The following TNRC6A variants were observed in gnomAD, a reference collection of about 807,000 sequenced individuals.
TNRC6A encodes the protein trinucleotide repeat-containing gene 6A protein.
In TNRC6A, 44 loss-of-function variants were observed where a neutral mutation model predicts 221.2. The observed-to-expected ratio is 0.20, with a 90% confidence interval of 0.16 to 0.26. The LOEUF (loss-of-function observed/expected upper bound fraction) is 0.26. Ranked by LOEUF, TNRC6A falls within the 10% of genes least tolerant of loss-of-function variation. The pLI, the probability that TNRC6A is intolerant of heterozygous loss-of-function variation, is 1.00. For synonymous variants in TNRC6A, 847 were observed against 838.5 expected (o/e 1.01, Z -0.18); for missense variants, 2,199 against 2,404.4 (o/e 0.91, Z 1.79).
At chr16:24,656,840 A>C (rs906224794) in intron 2 of TNRC6A, among the ~76,000 whole-genome samples, 1 of 152,202 alleles carries the variant, frequency 6.6e-6, no homozygotes, top group African/African-American at 2.4e-5. Context: ...TGTTTCTATT[A>C]AGAAAGAATT....
At chr16:24,668,966 G>A (rs749628904) in intron 2 of TNRC6A, among the ~76,000 whole-genome samples, 4 of 151,704 alleles carry the variant, frequency 2.6e-5, no homozygotes, top group Non-Finnish European at 5.9e-5. Context: ...AATTAGTCTC[G>A]TTGTTTTTAT....
upstream of TNRC6A, among the ~76,000 whole-genome samples, chr16:24,726,090 G>A (rs1356273749): frequency 6.6e-6 from 1 of 152,066 alleles, no homozygotes; most frequent in African/African-American, 2.4e-5. Flanking sequence ...TCCTAGCACA[G>A]TGCCTGGCAC....
chr16:24,634,806 T>C (rs1723029227), intron 1 of TNRC6A, among the ~76,000 whole-genome samples: 1 of 152,232 alleles, frequency 6.6e-6, no homozygotes, highest in Non-Finnish European at 1.5e-5. Flanking sequence ...CCCTTTCTCA[T>C]GGTTCAGTGG....
In TNRC6A at chr16:24,758,260, T is replaced by C; in HGVS notation, c.142-79T>C. ...AAGGTGTATATGTCTTATATTAATA[T>C]ATGAACATTTTATCATAACAGTCCA... On this transcript the variant is annotated intron_variant, in intron 3 of 24. Coordinates refer to ENST00000395799, the MANE Select transcript of TNRC6A (RefSeq NM_014494.4). 7 of 1,397,818 alleles carry C rather than the reference T, an allele frequency of 5.0e-6. No homozygotes were observed. In the South Asian group the frequency reaches 8.3e-5, roughly 17 times the overall value. 86.6% of individuals were successfully genotyped at this position (1,397,818 alleles called of 1,614,324 possible).
chr16:24,637,853 T>C (rs1335832724), intron 1 of TNRC6A, among the ~76,000 whole-genome samples: 1 of 152,150 alleles, frequency 6.6e-6, no homozygotes, highest in East Asian at 1.9e-4. Flanking sequence ...TGGCCTGATC[T>C]TGGCTCACTG....
intron 3 of TNRC6A, 127 bp downstream of exon 3, chr16:24,750,940 A>G (rs1371137364): frequency 4.3e-5 from 40 of 922,056 alleles, no homozygotes; most frequent in Admixed American, 9.4e-5. Flanking sequence ...TCATTTTAAT[A>G]TTTAATGTCT....
At chr16:24,714,340 ACT>A (rs2056270352) in intron 2 of TNRC6A, among the ~76,000 whole-genome samples, 1 of 112,210 alleles carries the variant, frequency 8.9e-6, no homozygotes, top group South Asian at 2.6e-4. Flanking sequence ...ATGGAGTCTC[ACT>A]CTGTCGCCCA....
At chr16:24,640,138 G>A (rs1179543367) in intron 1 of TNRC6A, among the ~76,000 whole-genome samples, 2 of 152,116 alleles carry the variant, frequency 1.3e-5, no homozygotes, top group Non-Finnish European at 1.5e-5. Context: ...AGTGGCTCAC[G>A]CCTATAATCC....
chr16:24,805,119 G>A lies in TNRC6A; in HGVS notation c.4090G>A (p.Ala1364Thr). ...PLSSSQPNLR[A>T]QVPPPLLSPQ... is the part of the protein sequence containing the mutation. ...TAGTTCATCTCAGCCTAATCTCCGT[G>A]CTCAAGTGCCTCCTCCATTACTCTC... The change falls in exon 14 of 25, where the codon GCT becomes ACT. Residue 1364 changes from alanine to threonine, a missense_variant. This residue lies in a region of TNRC6A where 449 missense variants were observed against 579.7 expected (regional missense o/e 0.77). Transcript: ENST00000395799. 1.2e-6 allele frequency: 2 copies of A among 1,614,124 alleles called. No homozygotes were observed. The highest frequency in any genetic ancestry group is 8.5e-7 in the Non-Finnish European group (1 of 1,180,036).
In TNRC6A at chr16:24,776,990, G is replaced by A. The variant is rs1303050370; in HGVS notation, c.221G>A (p.Gly74Asp). 1.9e-6 allele frequency: 3 copies of A among 1,614,048 alleles called. No individual in the cohort carries two copies. Among genetic ancestry groups the A allele is most frequent in the South Asian group, 2.2e-5 (2 of 91,078 alleles). ...CCTCAGCCTGCCAACTCTAATAACG[G>A]CACTTCCACAGCAACCAGCACTAAT... ...SQPQPANSNN[G>D]TSTATSTNNN... Residue 74 changes from glycine to aspartate, a missense_variant, in exon 5 of 25, where the codon GGC becomes GAC. Gly to Asp is a moderately conservative substitution (Grantham distance 94). Around this residue, in one of 8 missense-constraint regions of TNRC6A, gnomAD observed 1,405 missense variants for 1,400.2 expected, o/e 1.00. Coordinates refer to ENST00000395799, the MANE Select transcript of TNRC6A (RefSeq NM_014494.4).
intron 2 of TNRC6A, among the ~76,000 whole-genome samples, chr16:24,731,351 A>C (rs1297924611): frequency 6.6e-6 from 1 of 152,158 alleles, no homozygotes; most frequent in Admixed American, 6.5e-5. Flanking sequence ...CACCGCGTAG[A>C]ATTGTTCCAA....
At chr16:24,650,436 G>A (rs1010350001) in intron 2 of TNRC6A, among the ~76,000 whole-genome samples, 5 of 151,968 alleles carry the variant, frequency 3.3e-5, no homozygotes, top group African/African-American at 7.2e-5. Flanking sequence ...AGGCGGAGGC[G>A]GGTGGATCAC....
chr16:24,664,636 A>T (rs1356423699), intron 2 of TNRC6A, among the ~76,000 whole-genome samples: 6 of 142,414 alleles, frequency 4.2e-5, no homozygotes, highest in African/African-American at 7.7e-5. Context: ...TATATTATTA[A>T]TAAATATATT....
At chr16:24,765,313 A>G (rs187518679) in intron 4 of TNRC6A, among the ~76,000 whole-genome samples, 2 of 152,320 alleles carry the variant, frequency 1.3e-5, no homozygotes, top group Non-Finnish European at 2.9e-5. Context: ...ACACAGAGAA[A>G]ATGATACTTG....
chr16:24,790,711 G>A lies in TNRC6A; in HGVS notation c.2069G>A (p.Ser690Asn). 6.2e-7 allele frequency: 1 copy of A among 1,614,182 alleles called. No homozygotes were observed. Among genetic ancestry groups the A allele is most frequent in the South Asian group, 1.1e-5 (1 of 91,086 alleles). ...GRLEEKGTGE[S>N]QSRDRRKIDQ... Reference sequence around the variant, plus strand: ...CTTGAGGAAAAAGGAACTGGGGAAAGTCAGAGTAGAGACAGAAGAAAAATT... The same window carrying A: ...CTTGAGGAAAAAGGAACTGGGGAAAATCAGAGTAGAGACAGAAGAAAAATT... The change falls in exon 6 of 25, where the codon AGT (serine) becomes AAT (asparagine). Residue 690 changes from serine to asparagine, a missense_variant. Ser to Asn is a conservative substitution (Grantham distance 46, BLOSUM62 1). This residue lies in a region of TNRC6A where 1,405 missense variants were observed against 1,400.2 expected (regional missense o/e 1.00). Transcript: ENST00000395799.
chr16:24,796,588 G>A (rs943101572), intron 9 of TNRC6A, among the ~76,000 whole-genome samples: 10 of 152,176 alleles, frequency 6.6e-5, no homozygotes, highest in Non-Finnish European at 1.3e-4. Context: ...TTAGGTATGG[G>A]GATGGATGGG....
In TNRC6A at chr16:24,777,056, A is replaced by AGCAGCAGCAGCAACAGCAGCAGCC; in HGVS notation, c.300_323dup (p.Gln101_Gln108dup). 3 of 1,605,972 alleles carry AGCAGCAGCAGCAACAGCAGCAGCC rather than the reference A, an allele frequency of 1.9e-6. No homozygotes were observed. The highest frequency in any genetic ancestry group is 2.6e-6 in the Non-Finnish European group (3 of 1,174,094). On this transcript the variant is annotated inframe_insertion, in exon 5 of 25. Transcript: ENST00000395799. ...GCTACAGCCAACAATCAGCAGCCACAGCAGCAGCAGCAACAGCAGCAGCCG... is the reference window on the plus strand; with the variant it reads ...GCTACAGCCAACAATCAGCAGCCACAGCAGCAGCAGCAACAGCAGCAGCCGCAGCAGCAGCAACAGCAGCAGCCG...
intron 4 of TNRC6A, among the ~76,000 whole-genome samples, chr16:24,772,001 A>G (rs183359812): frequency 5.9e-5 from 9 of 152,362 alleles, no homozygotes; most frequent in Admixed American, 4.6e-4. Flanking sequence ...CTACACTGGC[A>G]GAGTTGAGTA....
At chr16:24,705,417 C>A (rs2056076851) in intron 2 of TNRC6A, among the ~76,000 whole-genome samples, 1 of 152,118 alleles carries the variant, frequency 6.6e-6, no homozygotes, top group African/African-American at 2.4e-5. Flanking sequence ...CTGCAGCCTC[C>A]AACTCCCGGG....
Sources: allele counts gnomAD v4.1 joint callset (sites outside exome capture counted in the v4.1 genomes callset), GRCh38; gene constraint gnomAD v4.1.1; regional missense constraint gnomAD v4.1.1; transcripts MANE v1.5; gene names NCBI Gene and HGNC (gene_info 2026-07-23, HGNC 2026-07-21).